Variants in GRID1 observed in about 807,000 individuals in gnomAD.
The protein encoded by GRID1 is glutamate receptor ionotropic, delta-1.
A neutral mutation model predicts 98.0 loss-of-function variants in GRID1; 28 were observed. The observed-to-expected ratio is 0.29, with a 90% CI of 0.21 to 0.39. The LOEUF is 0.39. GRID1 is among the 10% of genes least tolerant of loss of function. The pLI, the probability that GRID1 is intolerant of heterozygous loss-of-function variation, is 1.00. For missense variants in GRID1, 1,111 were observed against 1,340.5 expected, an observed-to-expected ratio of 0.83 and a Z score of 2.67; for synonymous variants, 553 against 538.5, an observed-to-expected ratio of 1.03 and a Z score of -0.37.
chr10:86,191,703 G>A (rs191574073), intron 3 of GRID1, among the ~76,000 whole-genome samples: 47 of 152,278 alleles, frequency 3.1e-4, no homozygotes, highest in South Asian at 1.2e-3. Flanking sequence ...GTACCCACTG[G>A]ACAGTCATGG....
intron 2 of GRID1, among the ~76,000 whole-genome samples, chr10:86,288,598 C>T (rs980873308): frequency 1.3e-4 from 20 of 152,162 alleles, no homozygotes; most frequent in African/African-American, 4.6e-4. Context: ...CTCTCGGTTG[C>T]GTTCTGGGGG....
intron 8 of GRID1, among the ~76,000 whole-genome samples, chr10:85,836,593 G>A (rs1842913408): frequency 1.3e-5 from 2 of 152,100 alleles, no homozygotes; most frequent in South Asian, 4.2e-4. Context: ...TTAGAGAAGT[G>A]GTGGGGCAGC....
chr10:86,008,397 T>C (rs1252640412), intron 4 of GRID1, among the ~76,000 whole-genome samples: 2 of 152,090 alleles, frequency 1.3e-5, no homozygotes, highest in African/African-American at 4.8e-5. Context: ...ATAGAATAAA[T>C]AGTAGATAAA....
intron 8 of GRID1, among the ~76,000 whole-genome samples, chr10:85,846,107 G>T (rs1477366554): frequency 2.0e-5 from 3 of 152,004 alleles, no homozygotes; most frequent in East Asian, 1.9e-4. Flanking sequence ...CTGTATAAGG[G>T]TTACACTTCA....
At chr10:86,303,887 T>A (rs1847723769) in intron 2 of GRID1, among the ~76,000 whole-genome samples, 1 of 152,218 alleles carries the variant, frequency 6.6e-6, no homozygotes, top group South Asian at 2.1e-4. Flanking sequence ...TGCCTCCACA[T>A]GTTATCTCCA....
chr10:86,312,661 C>T (rs1049386125), intron 2 of GRID1, among the ~76,000 whole-genome samples: 5 of 152,264 alleles, frequency 3.3e-5, no homozygotes, highest in African/African-American at 1.2e-4. Context: ...CTTCAAATCA[C>T]TGTCGATCAC....
At position 86,366,399 on chromosome 10, in the gene GRID1, C is replaced by T. The variant is rs1338859352; in HGVS notation, c.-7G>A. 16 of 1,490,168 alleles carry T rather than the reference C, an allele frequency of 1.1e-5. No homozygotes were observed. The highest frequency in any genetic ancestry group is 1.4e-5 in the Non-Finnish European group (16 of 1,116,424). 92.3% of individuals were successfully genotyped at this position (1,490,168 alleles called of 1,614,324 possible). On this transcript the variant is annotated 5_prime_UTR_variant, in exon 1 of 16. Transcript: ENST00000327946. This position sits in a 1 kb window ranked among gnomAD's most constrained non-coding sequence, Gnocchi z 4.1. ...ACAGCGTCAGCGCTTCCATGTCCCCCGGGCGCGCGGCTCATCCACCCGGGC... is the reference window on the plus strand; with the variant it reads ...ACAGCGTCAGCGCTTCCATGTCCCCTGGGCGCGCGGCTCATCCACCCGGGC...
At chr10:85,807,598 A>G (rs1842634462) in intron 8 of GRID1, among the ~76,000 whole-genome samples, 1 of 152,174 alleles carries the variant, frequency 6.6e-6, no homozygotes, top group African/African-American at 2.4e-5. Context: ...CTGGAAAAAA[A>G]CATATGTTAA....
chr10:86,157,254 A>G (rs1414933096), intron 3 of GRID1, among the ~76,000 whole-genome samples: 1 of 152,190 alleles, frequency 6.6e-6, no homozygotes, highest in East Asian at 1.9e-4. Flanking sequence ...TACAGATGTA[A>G]TTTGCTGTGT....
chr10:85,602,664 A>G lies in GRID1; in HGVS notation c.2639T>C (p.Met880Thr), dbSNP rs978040060. ...AATGTCTTCATCCATGAGGCTGTTC[A>G]TGCGCCGGTGGACCTGCTCCAAGTT... ...EVNLEQVHRR[M>T]NSLMDEDIAH... Residue 880 changes from methionine (M) to threonine (T), a missense_variant, in exon 16 of 16, where the codon ATG becomes ACG. Transcript: ENST00000327946. 11 of 1,613,710 alleles carry G rather than the reference A, an allele frequency of 6.8e-6. No homozygotes were observed. Among genetic ancestry groups the G allele is most frequent in the Non-Finnish European group, 8.5e-6 (10 of 1,179,808 alleles).
rs776340873 is a variant in GRID1, at chr10:85,602,235, G to A, written c.*38C>T. 1.3e-5 allele frequency: 17 copies of A among 1,333,532 alleles called. No homozygotes were observed. Among genetic ancestry groups the A allele is most frequent in the Middle Eastern group, 2.7e-4 (1 of 3,690 alleles). 82.6% of individuals were successfully genotyped at this position (1,333,532 alleles called of 1,614,324 possible). A position where few individuals can be genotyped will look rare whatever the true frequency, so the allele number is the denominator to read the frequency against. On this transcript the variant is annotated 3_prime_UTR_variant, in exon 16 of 16. Transcript: ENST00000327946. Reference sequence around the variant, plus strand: ...TTGTATTAAAAAGCTCTGCTGGTCGGGTGGGTGGGAGGGTGGGCAGGAGGG... The same window carrying A: ...TTGTATTAAAAAGCTCTGCTGGTCGAGTGGGTGGGAGGGTGGGCAGGAGGG...
chr10:86,108,140 C>T (rs1457923245), intron 4 of GRID1, among the ~76,000 whole-genome samples: 1 of 152,206 alleles, frequency 6.6e-6, no homozygotes, highest in Non-Finnish European at 1.5e-5. Context: ...TCCTAGACAT[C>T]GCCATGGGGT....
intron 13 of GRID1, among the ~76,000 whole-genome samples, chr10:85,622,928 G>GT (rs2132525086): frequency 6.6e-6 from 1 of 152,314 alleles, no homozygotes; most frequent in African/African-American, 2.4e-5. Context: ...CCAAGAACTG[G>GT]TAACAATATC....
chr10:85,778,724 A>G (rs1321382650), intron 8 of GRID1, among the ~76,000 whole-genome samples: 1 of 152,226 alleles, frequency 6.6e-6, no homozygotes, highest in Admixed American at 6.5e-5. Flanking sequence ...TGAGACAGAA[A>G]AAGTATACAA....
intron 4 of GRID1, among the ~76,000 whole-genome samples, chr10:86,043,514 CT>C (rs1244192599): frequency 6.6e-6 from 1 of 152,310 alleles, no homozygotes; most frequent in African/African-American, 2.4e-5. Flanking sequence ...CCTGGTGATC[CT>C]TGCCCTCATT....
At chr10:85,787,201 T>A (rs749753731) in intron 8 of GRID1, among the ~76,000 whole-genome samples, 2 of 152,178 alleles carry the variant, frequency 1.3e-5, no homozygotes, top group Non-Finnish European at 2.9e-5. Flanking sequence ...ACATAGTGAA[T>A]CCAGGACAGT....
intron 2 of GRID1, among the ~76,000 whole-genome samples, chr10:86,275,617 TA>T (rs1198953372): frequency 6.6e-6 from 1 of 152,012 alleles, no homozygotes; most frequent in Admixed American, 6.6e-5. Flanking sequence ...ATTCTGGGGC[TA>T]AAAAGTACAA....
chr10:85,680,752 CT>C (rs1160708017), intron 12 of GRID1, among the ~76,000 whole-genome samples: 1 of 152,286 alleles, frequency 6.6e-6, no homozygotes, highest in East Asian at 1.9e-4. Flanking sequence ...CGGGCATTAT[CT>C]TTGACCAGAT....
At chr10:85,665,795 G>A (rs1368573246) in intron 12 of GRID1, among the ~76,000 whole-genome samples, 4 of 152,144 alleles carry the variant, frequency 2.6e-5, no homozygotes, top group Non-Finnish European at 4.4e-5. Context: ...CCCAGCACAC[G>A]GGAGTGTATT....
Sources: gnomAD v4.1 joint callset for allele counts (sites outside exome capture counted in the v4.1 genomes callset) on GRCh38, gnomAD v4.1.1 for gene constraint, Gnocchi (gnomAD v3.1) non-coding constraint, MANE v1.5 for transcripts, NCBI Gene and HGNC (gene_info 2026-07-23, HGNC 2026-07-21) for gene names.